Variants in TMEM132D observed in about 807,000 individuals in gnomAD.
TMEM132D encodes the protein mature OL transmembrane protein.
A neutral mutation model predicts 62.3 loss-of-function variants in TMEM132D; 21 were observed. The ratio of observed to expected loss-of-function variants is 0.34; its 90% CI spans 0.24 to 0.49. The LOEUF (loss-of-function observed/expected upper bound fraction) is 0.49, where lower values mean the gene tolerates loss of function less well. TMEM132D is among the 20% of genes least tolerant of loss of function. The pLI, the probability that TMEM132D is intolerant of heterozygous loss-of-function variation, is 0.99. For synonymous variants in TMEM132D, 621 were observed against 575.6 expected, an observed-to-expected ratio of 1.08 and a Z score of -1.13; for missense variants, 1,346 against 1,402.8, an observed-to-expected ratio of 0.96 and a Z score of 0.65.
intron 3 of TMEM132D, among the ~76,000 whole-genome samples, chr12:129,527,382 A>G (rs1214256887): frequency 6.6e-6 from 1 of 152,230 alleles, no homozygotes; most frequent in Non-Finnish European, 1.5e-5. Context: ...TAAAATCAGT[A>G]TGATAATGAA....
At chr12:129,494,152 T>A (rs1442840461) in intron 3 of TMEM132D, among the ~76,000 whole-genome samples, 1 of 152,096 alleles carries the variant, frequency 6.6e-6, no homozygotes, top group Non-Finnish European at 1.5e-5. Flanking sequence ...TCCCCAAGGG[T>A]CAGGCATTTA....
At chr12:129,825,220 G>A (rs1302026058) in intron 1 of TMEM132D, among the ~76,000 whole-genome samples, 2 of 150,172 alleles carry the variant, frequency 1.3e-5, no homozygotes, top group African/African-American at 2.5e-5. Context: ...GTTTTGCCAT[G>A]TTGGCCAGGC....
At chr12:129,797,466 A>G (rs1249951829) in intron 1 of TMEM132D, among the ~76,000 whole-genome samples, 1 of 152,240 alleles carries the variant, frequency 6.6e-6, no homozygotes, top group Non-Finnish European at 1.5e-5. Context: ...GCCTTCCCAC[A>G]GAGGTCACTG....
intron 2 of TMEM132D, among the ~76,000 whole-genome samples, chr12:129,547,973 A>G (rs1876785730): frequency 6.6e-6 from 1 of 152,084 alleles, no homozygotes; most frequent in African/African-American, 2.4e-5. Context: ...TCTGCTGGCA[A>G]ATGTGACAAT....
chr12:129,233,309 G>A (rs1012128031), intron 4 of TMEM132D, among the ~76,000 whole-genome samples: 1 of 152,180 alleles, frequency 6.6e-6, no homozygotes, highest in Non-Finnish European at 1.5e-5. Context: ...ATGAATGAAT[G>A]AATGAATGGT....
intron 1 of TMEM132D, among the ~76,000 whole-genome samples, chr12:129,898,153 T>C (rs1195293731): frequency 6.6e-6 from 1 of 152,210 alleles, no homozygotes; most frequent in Non-Finnish European, 1.5e-5. Flanking sequence ...CTGGTATTAT[T>C]GACCAAAGTA....
intron 3 of TMEM132D, among the ~76,000 whole-genome samples, chr12:129,404,648 G>A (rs535947970): frequency 6.6e-6 from 1 of 152,334 alleles, no homozygotes; most frequent in African/African-American, 2.4e-5. Flanking sequence ...CACGGTGAGA[G>A]TGGGAACAAG....
At chr12:129,344,867 C>T (rs1019204202) in intron 3 of TMEM132D, among the ~76,000 whole-genome samples, 7 of 151,940 alleles carry the variant, frequency 4.6e-5, no homozygotes, top group African/African-American at 1.7e-4. Context: ...ATTGATGGCT[C>T]CGTCTCTAAA....
intron 1 of TMEM132D, among the ~76,000 whole-genome samples, chr12:129,796,849 G>A (rs144783742): frequency 2.4e-3 from 362 of 152,218 alleles, no homozygotes; most frequent in Admixed American, 5.2e-3. Context: ...TGCACGTTCC[G>A]CACATGTACC....
Position 129,842,459 on chromosome 12 carries a change from T to A in TMEM132D, c.79+60802A>T, listed in dbSNP as rs2058397610. 4.6e-5 allele frequency among the ~76,000 whole-genome samples: 7 copies of A among 152,148 alleles called. No individual in the cohort carries two copies. In the South Asian group the frequency reaches 1.5e-3, roughly 32 times the overall value. On this transcript the variant is annotated intron_variant, in intron 1 of 8. Coordinates refer to ENST00000422113, the MANE Select transcript of TMEM132D (RefSeq NM_133448.3). Reference sequence around the variant, plus strand: ...CCATTGAGGCAGAAATATTTCTTTTTTTTTTGGTTTTGTTTTATATTTGTT... The same window carrying A: ...CCATTGAGGCAGAAATATTTCTTTTATTTTTGGTTTTGTTTTATATTTGTT...
chr12:129,620,275 T>C (rs1236661240), intron 2 of TMEM132D, among the ~76,000 whole-genome samples: 1 of 152,166 alleles, frequency 6.6e-6, no homozygotes, highest in Non-Finnish European at 1.5e-5. Flanking sequence ...TAGTGTATTC[T>C]CCACACAGAA....
chr12:129,254,769 C>T (rs557161826), intron 4 of TMEM132D, among the ~76,000 whole-genome samples: 2 of 152,258 alleles, frequency 1.3e-5, no homozygotes, highest in South Asian at 4.2e-4. Flanking sequence ...ATAGCCTCAT[C>T]CTCTTCTGAT....
chr12:129,654,760 C>T (rs1302474598), intron 2 of TMEM132D, among the ~76,000 whole-genome samples: 1 of 152,110 alleles, frequency 6.6e-6, no homozygotes, highest in Admixed American at 6.5e-5. Flanking sequence ...CTCCTTTTTA[C>T]TCTCAAGAGC....
At chr12:129,760,467 G>GACT (rs1870327314) in intron 1 of TMEM132D, among the ~76,000 whole-genome samples, 1 of 151,324 alleles carries the variant, frequency 6.6e-6, no homozygotes, top group Non-Finnish European at 1.5e-5. Flanking sequence ...GAGTAGCTGG[G>GACT]ACTACAGGCC....
At chr12:129,345,434 C>T (rs971208621) in intron 3 of TMEM132D, among the ~76,000 whole-genome samples, 21 of 152,318 alleles carry the variant, frequency 1.4e-4, no homozygotes, top group African/African-American at 3.8e-4. Context: ...TATTCTCGAA[C>T]ACTGGGACCA....
chr12:129,842,097 A>ATTG (rs1566005017), intron 1 of TMEM132D, among the ~76,000 whole-genome samples: 2 of 97,440 alleles, frequency 2.1e-5, no homozygotes. Context: ...CGCCCGGCTA[A>ATTG]TTTTTTTTTT....
chr12:129,257,264 T>C (rs76230596), intron 4 of TMEM132D, among the ~76,000 whole-genome samples: 3,624 of 149,382 alleles, frequency 0.024, 160 homozygotes, highest in African/African-American at 0.085. Context: ...AGGAATGCAG[T>C]GGCACGATCT....
At chr12:129,100,359 T>C (rs972833549) in intron 5 of TMEM132D, among the ~76,000 whole-genome samples, 7 of 152,288 alleles carry the variant, frequency 4.6e-5, no homozygotes, top group African/African-American at 1.7e-4. Context: ...AATTAGGTCA[T>C]TGAAGGTCAA....
intron 1 of TMEM132D, among the ~76,000 whole-genome samples, chr12:129,885,014 C>A (rs1874705093): frequency 6.6e-6 from 1 of 152,166 alleles, no homozygotes; most frequent in Non-Finnish European, 1.5e-5. Context: ...GTGAAGTAAG[C>A]CTAGCCCAAA....
Sources: allele counts gnomAD v4.1 joint callset (sites outside exome capture counted in the v4.1 genomes callset), GRCh38; gene constraint gnomAD v4.1.1; transcripts MANE v1.5; gene names NCBI Gene and HGNC (gene_info 2026-07-23, HGNC 2026-07-21).